The following ERBB4 variants were observed in gnomAD, a reference collection of about 807,000 sequenced individuals.
The protein encoded by ERBB4 is erb-b2 receptor tyrosine kinase 4.
In ERBB4, 42 loss-of-function variants were observed where a neutral mutation model predicts 158.0. That is an observed-to-expected ratio of 0.27 (90% CI 0.21 to 0.34). The LOEUF is 0.34. ERBB4 is among the 10% of genes least tolerant of loss of function. The probability of loss-of-function intolerance (pLI) is 1.00; values close to 1 mark genes in which losing one functional copy is unlikely to be tolerated. For missense variants in ERBB4, 1,333 were observed against 1,624.1 expected, an observed-to-expected ratio of 0.82 and a Z score of 3.08; for synonymous variants, 583 against 558.7, an observed-to-expected ratio of 1.04 and a Z score of -0.61.
Position 211,984,993 on chromosome 2 carries a change from C to T in ERBB4, c.235-37377G>A, listed in dbSNP as rs150902071. On this transcript the variant is annotated intron_variant, in intron 2 of 27. Transcript: ENST00000342788. ...GTGATCCACCCACCTCGGCCCACGG[C>T]GCCTGGCCTGGCATATAACACTTAG... is the stretch of plus-strand genomic sequence containing the variant. Among the ~76,000 whole-genome samples the T allele has an allele frequency of 1.3e-3, 205 of 152,194 alleles. 3 individuals are homozygous for T. In the South Asian group the frequency reaches 0.029, roughly 21 times the overall value.
chr2:212,356,998 T>A (rs1027192445), intron 1 of ERBB4, among the ~76,000 whole-genome samples: 9 of 151,892 alleles, frequency 5.9e-5, no homozygotes, highest in Admixed American at 1.3e-4. Flanking sequence ...TAAGAAAAAA[T>A]TATTTTAAAC....
rs187692937 is a variant in ERBB4 at position 212,145,816 on chromosome 2, T to C, written c.83-20913A>G. Among the ~76,000 whole-genome samples the C allele has an allele frequency of 2.6e-5, 4 of 151,614 alleles. No homozygotes were observed. In the East Asian group the frequency reaches 7.8e-4, roughly 30 times the overall value. On this transcript the variant is annotated intron_variant, in intron 1 of 27. Coordinates refer to ENST00000342788, the MANE Select transcript of ERBB4 (RefSeq NM_005235.3). ...CGTCTTATTTTTTTCTCTTTGTCAA[T>C]CTGTTTGAGAACTCTTTGGTGTCTA...
intron 1 of ERBB4, among the ~76,000 whole-genome samples, chr2:212,383,917 A>G (rs2090591115): frequency 6.6e-6 from 1 of 151,638 alleles, no homozygotes; most frequent in South Asian, 2.1e-4. Flanking sequence ...CAGAACTCTG[A>G]ACACAGTGCA....
At chr2:212,083,862 T>A (rs551872663) in intron 2 of ERBB4, among the ~76,000 whole-genome samples, 38 of 151,296 alleles carry the variant, frequency 2.5e-4, no homozygotes, top group African/African-American at 9.2e-4. Context: ...GAACAACGCA[T>A]ATCTTTATAG....
chr2:211,937,252 T>C (rs1203901431), intron 3 of ERBB4, among the ~76,000 whole-genome samples: 1 of 151,892 alleles, frequency 6.6e-6, no homozygotes, highest in Admixed American at 6.6e-5. Flanking sequence ...ATATGGCAGA[T>C]AGCTATTTGA....
intron 4 of ERBB4, among the ~76,000 whole-genome samples, chr2:211,786,201 TCTAGGGAGTCATCAAC>T (rs898890727): frequency 6.6e-6 from 1 of 152,136 alleles, no homozygotes; most frequent in Non-Finnish European, 1.5e-5. Flanking sequence ...GGTATGTAGT[TCTAGGGAGTCATCAAC>T]CTAGAGGTTG....
intron 1 of ERBB4, among the ~76,000 whole-genome samples, chr2:212,240,428 C>T (rs1239276845): frequency 6.6e-6 from 1 of 151,690 alleles, no homozygotes; most frequent in Non-Finnish European, 1.5e-5. Flanking sequence ...GGGCGTATCA[C>T]GAGACCAGCC....
intron 2 of ERBB4, among the ~76,000 whole-genome samples, chr2:211,948,975 C>T (rs1432512950): frequency 6.6e-6 from 1 of 152,214 alleles, no homozygotes; most frequent in South Asian, 2.1e-4. Context: ...TCCTCCACCC[C>T]TCTGGCAGCC....
chr2:211,461,465 G>C (rs2064528770), intron 20 of ERBB4, among the ~76,000 whole-genome samples: 1 of 152,132 alleles, frequency 6.6e-6, no homozygotes, highest in Admixed American at 6.6e-5. Context: ...AGGATCTGTG[G>C]TGGTAGTTTC....
intron 3 of ERBB4, among the ~76,000 whole-genome samples, chr2:211,793,111 G>A (rs1181047686): frequency 2.0e-5 from 3 of 151,768 alleles, no homozygotes; most frequent in Non-Finnish European, 2.9e-5. Context: ...TGGACCCCAT[G>A]CACAATTTGT....
chr2:212,419,096 C>T (rs2091729597), intron 1 of ERBB4, among the ~76,000 whole-genome samples: 1 of 147,772 alleles, frequency 6.8e-6, no homozygotes, highest in African/African-American at 2.4e-5. Flanking sequence ...ATACAGTACT[C>T]TTCCTTCATT....
chr2:212,050,821 T>G (rs1204866138), intron 2 of ERBB4, among the ~76,000 whole-genome samples: 1 of 152,196 alleles, frequency 6.6e-6, no homozygotes, highest in Non-Finnish European at 1.5e-5. Context: ...ACTTGTTTTT[T>G]TGTTGCTTTA....
In ERBB4 at chr2:211,603,522, T is replaced by C. The variant is rs1366016348; in HGVS notation, c.2301+15655A>G. 1.3e-5 allele frequency among the ~76,000 whole-genome samples: 2 copies of C among 152,202 alleles called. 1 individual carries two copies. Among genetic ancestry groups the C allele is most frequent in the Non-Finnish European group, 2.9e-5 (2 of 68,036 alleles). On this transcript the variant is annotated intron_variant, in intron 19 of 27. Transcript: ENST00000342788. The stretch of plus-strand genomic sequence containing the variant: ...TACATAAGAGAAAAATGAGGCAATG[T>C]AGCTTGAAATAAACATTTCTTTTGG...
chr2:211,961,464 G>A (rs990257368), intron 2 of ERBB4, among the ~76,000 whole-genome samples: 5 of 152,118 alleles, frequency 3.3e-5, no homozygotes, highest in African/African-American at 4.8e-5. Context: ...GGGGCAATGG[G>A]AACCCATGTA....
intron 1 of ERBB4, among the ~76,000 whole-genome samples, chr2:212,277,560 A>G (rs1245017655): frequency 1.3e-5 from 2 of 151,714 alleles, no homozygotes; most frequent in Non-Finnish European, 2.9e-5. Flanking sequence ...TTAATGGCTA[A>G]CTGCTTCCTG....
intron 3 of ERBB4, among the ~76,000 whole-genome samples, chr2:211,858,395 C>T (rs911523132): frequency 2.0e-5 from 3 of 152,190 alleles, no homozygotes; most frequent in African/African-American, 7.2e-5. Flanking sequence ...AGTAAATTAA[C>T]TTCCCTAAAT....
chr2:211,800,212 C>T (rs1255596513), intron 3 of ERBB4, among the ~76,000 whole-genome samples: 2 of 152,130 alleles, frequency 1.3e-5, no homozygotes. Context: ...TTGTTAGCCA[C>T]CTCACTGTAC....
chr2:212,065,221 G>T (rs756698405), intron 2 of ERBB4, among the ~76,000 whole-genome samples: 10 of 151,984 alleles, frequency 6.6e-5, no homozygotes, highest in Non-Finnish European at 1.3e-4. Flanking sequence ...CTTCCTGGAA[G>T]TTAGTTTGCC....
chr2:212,281,960 T>C (rs2106151559), intron 1 of ERBB4, among the ~76,000 whole-genome samples: 1 of 151,824 alleles, frequency 6.6e-6, no homozygotes, highest in African/African-American at 2.4e-5. Flanking sequence ...AAACTAAAAG[T>C]CAAAAAAAGT....
Sources: allele counts gnomAD v4.1 joint callset (sites outside exome capture counted in the v4.1 genomes callset), GRCh38; gene constraint gnomAD v4.1.1; transcripts MANE v1.5; gene names NCBI Gene and HGNC (gene_info 2026-07-23, HGNC 2026-07-21).